Variants in HMCN2 observed in about 807,000 individuals in gnomAD.
HMCN2 encodes hemicentin 2, also known as hemicentin-2.
HMCN2 carries 325 observed loss-of-function variants against 377.5 expected under a neutral mutation model. The observed-to-expected ratio is 0.86, with a 90% confidence interval of 0.79 to 0.94. HMCN2 has a LOEUF of 0.94. HMCN2 is among the 40% of genes least tolerant of loss of function. The pLI, the probability that HMCN2 is intolerant of heterozygous loss-of-function variation, is 0.00. For synonymous variants in HMCN2, 2,007 were observed against 2,046.8 expected (o/e 0.98, Z 0.53); for missense variants, 4,543 against 4,725.3 (o/e 0.96, Z 1.13).
intron 94 of HMCN2, 200 bp downstream of exon 94, chr9:130,429,885 C>CAGGCAGGCACCCAG: frequency 2.9e-6 from 3 of 1,028,902 alleles, no homozygotes; most frequent in Non-Finnish European, 4.1e-6. Flanking sequence ...TTTGCACTCA[C>CAGGCAGGCACCCAG]TGGGTGCCTG....
In HMCN2 at chr9:130,304,088, A is replaced by G. The variant is rs1031625074; in HGVS notation, c.1543+480A>G. The stretch of plus-strand genomic sequence containing the variant: ...TAAGCGTGGAAAGATCAGCCACTCT[A>G]CATAGACAGCCAGAAACTACACATG... On this transcript the variant is annotated intron_variant, in intron 10 of 97. Coordinates refer to ENST00000683500, the MANE Select transcript of HMCN2 (RefSeq NM_001291815.2). The surrounding 1 kb of genome is among the most constrained non-coding windows in gnomAD (Gnocchi z 4.3). Among the ~76,000 whole-genome samples, 1 of 152,260 alleles carries G rather than the reference A, an allele frequency of 6.6e-6. No individual in the cohort carries two copies. Among genetic ancestry groups the G allele is most frequent in the South Asian group, 2.1e-4 (1 of 4,838 alleles).
chr9:130,331,128 A>G (rs1309752512), intron 22 of HMCN2, among the ~76,000 whole-genome samples: 1 of 150,558 alleles, frequency 6.6e-6, no homozygotes, highest in Non-Finnish European at 1.5e-5. Flanking sequence ...ATCGCACTCC[A>G]TCCTTGCAAC....
At chr9:130,420,434 A>G (rs936938585) in intron 86 of HMCN2, among the ~76,000 whole-genome samples, 1 of 152,156 alleles carries the variant, frequency 6.6e-6, no homozygotes, top group Non-Finnish European at 1.5e-5. Flanking sequence ...AGCTATGTAC[A>G]TGGCCTTTGT....
At chr9:130,404,750 G>T in intron 80 of HMCN2, 119 bp from the exon 81 acceptor site, 1 of 612,460 alleles carries the variant, frequency 1.6e-6, no homozygotes, top group Non-Finnish European at 2.4e-6. Flanking sequence ...CTAGGGAGTT[G>T]GAGGGGGCAG....
intron 11 of HMCN2, 135 bp from the exon 12 acceptor site, chr9:130,305,994 A>G (rs1213770014): frequency 2.7e-6 from 1 of 376,144 alleles, no homozygotes; most frequent in African/African-American, 2.1e-5. Context: ...GGGAGATTGA[A>G]GCCCTCTGGG....
rs1588311192 is a variant in HMCN2, at chr9:130,362,094, G to A, written c.6037G>A (p.Ala2013Thr). 4.1e-6 allele frequency: 4 copies of A among 986,014 alleles called. No individual in the cohort carries two copies. In the East Asian group the frequency reaches 3.4e-4, roughly 84 times the overall value. 61.1% of individuals were successfully genotyped at this position (986,014 alleles called of 1,614,324 possible). A position where few individuals can be genotyped will look rare whatever the true frequency, so the allele number is the denominator to read the frequency against. ...PVRLTCNATG[A>T]PSPTLMWLKD... is the part of the protein sequence containing the mutation. The stretch of plus-strand genomic sequence containing the variant: ...CCGGCTGACCTGCAATGCCACCGGT[G>A]CCCCCAGCCCCACACTGATGTGGCT... The change falls in exon 39 of 98, where the codon GCC becomes ACC. Residue 2013 changes from alanine to threonine, a missense_variant. Around this residue, in one of 5 missense-constraint regions of HMCN2, gnomAD observed 1,032 missense variants for 1,285.1 expected, o/e 0.80. Coordinates refer to ENST00000683500, the MANE Select transcript of HMCN2 (RefSeq NM_001291815.2).
intron 31 of HMCN2, among the ~76,000 whole-genome samples, chr9:130,353,687 C>G (rs1047494142): frequency 2.6e-5 from 4 of 152,168 alleles, no homozygotes; most frequent in African/African-American, 9.7e-5. Context: ...CAGGTTCACA[C>G]CCCTAGGAGG....
chr9:130,433,597 C>G lies in HMCN2; in HGVS notation c.15144C>G (p.Thr5048=). The G allele has an allele frequency of 6.6e-7, 1 of 1,512,496 alleles. No homozygotes were observed. Among genetic ancestry groups the G allele is most frequent in the Non-Finnish European group, 8.8e-7 (1 of 1,132,272 alleles). 93.7% of individuals were successfully genotyped at this position (1,512,496 alleles called of 1,614,324 possible). ...LGAVYTRRAL[T]RAGLYRLTVR... ...CGGTCTACACCCGTCGCGCGCTCAC[C>G]CGCGCCGGCCTCTACCGGCTCACCG... The change falls in exon 98 of 98, where the codon ACC becomes ACG. Residue 5048 remains threonine, a synonymous_variant. Transcript: ENST00000683500.
chr9:130,429,654 C>T lies in HMCN2; in HGVS notation c.14295C>T (p.Tyr4765=), dbSNP rs768978786. 16 of 1,544,918 alleles carry T rather than the reference C, an allele frequency of 1.0e-5. No individual in the cohort carries two copies. The South Asian group carries it at 1.7e-4, about 16-fold the overall frequency. ...GGHRCSCPRG[Y]RMQGPSLPCL... is the part of the protein sequence containing the mutation. ...ACCGCTGCAGCTGCCCCAGGGGTTA[C>T]CGGATGCAGGGCCCCAGCCTGCCCT... Residue 4765 remains tyrosine (Y), a synonymous_variant, in exon 94 of 98, where the codon TAC becomes TAT. Coordinates refer to ENST00000683500, the MANE Select transcript of HMCN2 (RefSeq NM_001291815.2).
In HMCN2 at chr9:130,422,267, T is replaced by C. The variant is rs984689028; in HGVS notation, c.13232-310T>C. Among the ~76,000 whole-genome samples, 1 of 152,224 alleles carries C rather than the reference T, an allele frequency of 6.6e-6. No homozygotes were observed. The highest frequency in any genetic ancestry group is 1.5e-5 in the Non-Finnish European group (1 of 68,036). Reference sequence around the variant, plus strand: ...AGTTTGTGGTCCCGCCTCCTCATTTTACAGGTGAGCCAACTCAGGTGTGGC... The same window carrying C: ...AGTTTGTGGTCCCGCCTCCTCATTTCACAGGTGAGCCAACTCAGGTGTGGC... On this transcript the variant is annotated intron_variant, in intron 86 of 97. Transcript: ENST00000683500. The surrounding 1 kb of genome is among the most constrained non-coding windows in gnomAD (Gnocchi z 4.2).
chr9:130,358,486 G>C lies in HMCN2; in HGVS notation c.5677G>C (p.Val1893Leu). The change falls in exon 36 of 98, where the codon GTG (valine) becomes CTG (leucine). Residue 1893 changes from valine (V) to leucine (L), a missense_variant and splice_region_variant. Physicochemically the swap from Val to Leu is conservative, Grantham distance 32 (BLOSUM62 1). Transcript: ENST00000683500. The stretch of plus-strand genomic sequence containing the variant: ...GAGGGAAGTGGCGCTGAAAGTTTTG[G>C]GTGAGGACGTGGGTAACCAGCAGGG... ...SKREVALKVL[V>L]PPNIEPGPVN... 1 of 1,304,394 alleles carries C rather than the reference G, an allele frequency of 7.7e-7. No individual in the cohort carries two copies. Among genetic ancestry groups the C allele is most frequent in the African/African-American group, 1.5e-5 (1 of 66,002 alleles). The allele number at this position is 1,304,394 out of a possible 1,614,324, so 80.8% of individuals were successfully genotyped here. A position where few individuals can be genotyped will look rare whatever the true frequency, so the allele number is the denominator to read the frequency against.
intron 15 of HMCN2, among the ~76,000 whole-genome samples, chr9:130,312,907 G>A (rs978383384): frequency 2.0e-5 from 3 of 151,940 alleles, no homozygotes; most frequent in Non-Finnish European, 4.4e-5. Flanking sequence ...TGATCTACCC[G>A]CCTCGGCCTC....
Position 130,266,028 on chromosome 9 carries a change from G to A in HMCN2, c.150G>A (p.Trp50Ter), listed in dbSNP as rs1387102562. The A allele has an allele frequency of 3.0e-5, 14 of 470,900 alleles. No homozygotes were observed. In the Admixed American group the frequency reaches 3.3e-4, roughly 11 times the overall value. The allele number at this position is 470,900 out of a possible 1,614,324, so 29.2% of individuals were successfully genotyped here. Residue 50 changes from tryptophan to a stop codon, truncating the protein, a stop_gained, in exon 1 of 98, where the codon TGG becomes TGA. Transcript: ENST00000683500. LOFTEE classifies it high-confidence loss of function. ...AFVFDVTGSMWDELMQVIDGA... is the reference protein window; with the variant it reads ...AFVFDVTGSM ...TCTTCGACGTCACCGGCTCCATGTGGGACGAACTGATGCAGGTGATCGATG... is the reference window on the plus strand; with the variant it reads ...TCTTCGACGTCACCGGCTCCATGTGAGACGAACTGATGCAGGTGATCGATG...
intron 7 of HMCN2, among the ~76,000 whole-genome samples, chr9:130,297,438 CT>C (rs1474037975): frequency 6.6e-6 from 1 of 152,168 alleles, no homozygotes; most frequent in Non-Finnish European, 1.5e-5. Context: ...CTGGTGCGGG[CT>C]GCCTGAGCTC....
intron 6 of HMCN2, 133 bp downstream of exon 6, chr9:130,295,905 T>C (rs782632822): frequency 2.7e-6 from 1 of 373,318 alleles, no homozygotes; most frequent in Non-Finnish European, 5.4e-6. Flanking sequence ...TGTGGTCGTA[T>C]CAATAGAAGT....
At chr9:130,332,982 T>G (rs1588256469) in intron 22 of HMCN2, among the ~76,000 whole-genome samples, 1 of 149,902 alleles carries the variant, frequency 6.7e-6, no homozygotes, top group Non-Finnish European at 1.5e-5. Flanking sequence ...ACAGCGGGGG[T>G]CTGGGGAGGG....
At chr9:130,282,577 G>A (rs570612239) in intron 1 of HMCN2, among the ~76,000 whole-genome samples, 12 of 152,294 alleles carry the variant, frequency 7.9e-5, no homozygotes, top group South Asian at 2.1e-4. Context: ...GGGACGAGAC[G>A]GATAAACACA....
Position 130,303,994 on chromosome 9 carries a change from C to G in HMCN2, c.1543+386C>G, listed in dbSNP as rs543647486. On this transcript the variant is annotated intron_variant, in intron 10 of 97. Coordinates refer to ENST00000683500, the MANE Select transcript of HMCN2 (RefSeq NM_001291815.2). The surrounding 1 kb of genome is among the most constrained non-coding windows in gnomAD (Gnocchi z 5.2). ...AGGTTGGATACACCACAGACTGTCT[C>G]CAAATGAAATTGGCTTTATTTGAAA... 7.2e-5 allele frequency among the ~76,000 whole-genome samples: 11 copies of G among 152,184 alleles called. No homozygotes were observed. Among genetic ancestry groups the G allele is most frequent in the Non-Finnish European group, 1.3e-4 (9 of 68,042 alleles).
chr9:130,355,167 C>T, intron 32 of HMCN2, 123 bp downstream of exon 32: 1 of 808,262 alleles, frequency 1.2e-6, no homozygotes, highest in African/African-American at 1.8e-5. Context: ...ACCAGTGTCC[C>T]CACATTGCAT....
Sources: gnomAD v4.1 joint callset for allele counts (sites outside exome capture counted in the v4.1 genomes callset) on GRCh38, gnomAD v4.1.1 for gene constraint, gnomAD v4.1.1 regional missense constraint, Gnocchi (gnomAD v3.1) non-coding constraint, MANE v1.5 for transcripts, NCBI Gene and HGNC (gene_info 2026-07-23, HGNC 2026-07-21) for gene names.